Variants in TTC7B observed in about 807,000 individuals in gnomAD.
The protein encoded by TTC7B is tetratricopeptide repeat domain 7B.
In TTC7B, 28 loss-of-function variants were observed where a neutral mutation model predicts 106.8. The observed-to-expected ratio is 0.26, with a 90% CI of 0.19 to 0.36. TTC7B has a LOEUF of 0.36. Among genes scored for constraint, TTC7B ranks in the 10% least tolerant of loss-of-function variants. The probability of loss-of-function intolerance (pLI) is 1.00; values close to 1 mark genes in which losing one functional copy is unlikely to be tolerated. For synonymous variants in TTC7B, 405 were observed against 430.6 expected (o/e 0.94, Z 0.74); for missense variants, 862 against 1,076.4 (o/e 0.80, Z 2.79).
chr14:90,601,723 G>T (rs1892432144), intron 17 of TTC7B, among the ~76,000 whole-genome samples: 1 of 152,188 alleles, frequency 6.6e-6, no homozygotes, highest in Admixed American at 6.5e-5. Flanking sequence ...CTCCAATCCT[G>T]CTCAGCCACC....
intron 4 of TTC7B, among the ~76,000 whole-genome samples, chr14:90,743,957 G>C (rs1463333849): frequency 6.6e-6 from 1 of 152,218 alleles, no homozygotes; most frequent in East Asian, 1.9e-4. Context: ...TCTGCTCAGA[G>C]GCCCTCTTGT....
chr14:90,644,593 A>G (rs779970194), intron 14 of TTC7B, among the ~76,000 whole-genome samples: 1 of 152,248 alleles, frequency 6.6e-6, no homozygotes, highest in African/African-American at 2.4e-5. Flanking sequence ...GTGGAGACAC[A>G]TACAAAGTGT....
Position 90,579,040 on chromosome 14 carries a change from T to C in TTC7B, c.2108-732A>G, listed in dbSNP as rs1237398093. Among the ~76,000 whole-genome samples the C allele has an allele frequency of 2.6e-5, 4 of 152,198 alleles. No individual in the cohort carries two copies. In the East Asian group the frequency reaches 5.8e-4, roughly 22 times the overall value. On this transcript the variant is annotated intron_variant, in intron 18 of 19. Coordinates refer to ENST00000328459, the MANE Select transcript of TTC7B (RefSeq NM_001010854.2). ...AACCCCTCTGCAGCCCTGGCCTCCC[T>C]GAAGAGCCCTTTTGAGTGTTTCCAA...
chr14:90,703,717 A>T (rs1283693283), intron 5 of TTC7B, among the ~76,000 whole-genome samples: 1 of 152,236 alleles, frequency 6.6e-6, no homozygotes, highest in Admixed American at 6.5e-5. Context: ...CCTCCAGTTC[A>T]AAACCATAAC....
intron 5 of TTC7B, among the ~76,000 whole-genome samples, chr14:90,703,119 T>A (rs1888061413): frequency 6.6e-6 from 1 of 152,194 alleles, no homozygotes; most frequent in South Asian, 2.1e-4. Context: ...TGGCCAGAGC[T>A]GGAAGACAAG....
chr14:90,653,034 C>T, intron 12 of TTC7B, 136 bp from the exon 13 acceptor site: 1 of 875,410 alleles, frequency 1.1e-6, no homozygotes, highest in Non-Finnish European at 1.9e-6. Flanking sequence ...CAGTCCTGCA[C>T]CAGGCCCTGG....
At chr14:90,692,382 C>CA (rs1887510154) in intron 6 of TTC7B, among the ~76,000 whole-genome samples, 1 of 152,140 alleles carries the variant, frequency 6.6e-6, no homozygotes, top group Non-Finnish European at 1.5e-5. Context: ...TGATCTCACA[C>CA]CAGATAGAGT....
At chr14:90,653,383 T>C (rs987911723) in intron 12 of TTC7B, among the ~76,000 whole-genome samples, 3 of 152,090 alleles carry the variant, frequency 2.0e-5, no homozygotes, top group Non-Finnish European at 4.4e-5. Context: ...CTTGCTGCCT[T>C]GAAAGGCCAG....
At chr14:90,664,237 C>T (rs887196963) in intron 9 of TTC7B, among the ~76,000 whole-genome samples, 2 of 152,108 alleles carry the variant, frequency 1.3e-5, no homozygotes, top group African/African-American at 4.8e-5. Context: ...AGATGGAGAA[C>T]ATAAAATAAA....
intron 3 of TTC7B, among the ~76,000 whole-genome samples, chr14:90,761,196 G>A (rs775050806): frequency 1.2e-4 from 18 of 151,870 alleles, no homozygotes; most frequent in Non-Finnish European, 2.4e-4. Flanking sequence ...CAGGTTAGGA[G>A]GATGAGAGAA....
chr14:90,592,131 C>A (rs547430043), intron 18 of TTC7B, among the ~76,000 whole-genome samples: 1 of 152,302 alleles, frequency 6.6e-6, no homozygotes, highest in Admixed American at 6.5e-5. Flanking sequence ...AATGCGAAGG[C>A]CTGCCAGTGG....
intron 5 of TTC7B, among the ~76,000 whole-genome samples, chr14:90,702,752 G>C (rs941954692): frequency 6.6e-6 from 1 of 152,178 alleles, no homozygotes; most frequent in African/African-American, 2.4e-5. Context: ...GACAACCCAT[G>C]TCAGGTAAGA....
chr14:90,537,379 G>GGGA lies in TTC7B; in HGVS notation c.*3988_*3989insTCC, dbSNP rs1889445165. 6.7e-6 allele frequency: 1 copy of GGGA among 149,754 alleles called. No homozygotes were observed. Among genetic ancestry groups the GGGA allele is most frequent in the African/African-American group, 2.5e-5 (1 of 40,296 alleles). 9.3% of individuals were successfully genotyped at this position (149,754 alleles called of 1,614,324 possible). On this transcript the variant is annotated 3_prime_UTR_variant, in exon 20 of 20. Transcript: ENST00000328459. ...TTTTTTTTTTTTGTAGAGATGGGGGGGGGGTCTCACCATGTTGCCCAGGCT... is the reference window on the plus strand; with the variant it reads ...TTTTTTTTTTTTGTAGAGATGGGGGGGGAGGGGTCTCACCATGTTGCCCAGGCT...
intron 9 of TTC7B, among the ~76,000 whole-genome samples, chr14:90,673,396 A>G (rs1425015456): frequency 6.6e-6 from 1 of 152,190 alleles, no homozygotes; most frequent in Non-Finnish European, 1.5e-5. Context: ...AGTGAAGTCA[A>G]TTTCATTATG....
chr14:90,722,876 T>C (rs556893534), intron 5 of TTC7B, among the ~76,000 whole-genome samples: 1 of 151,124 alleles, frequency 6.6e-6, no homozygotes, highest in South Asian at 2.1e-4. Context: ...CTTCACAGGA[T>C]CCTCCTCCTT....
intron 3 of TTC7B, among the ~76,000 whole-genome samples, chr14:90,777,689 G>A (rs1325065695): frequency 1.3e-5 from 2 of 152,128 alleles, no homozygotes; most frequent in Non-Finnish European, 2.9e-5. Flanking sequence ...AATCCTGAGG[G>A]ACCTTGGTGA....
At chr14:90,560,772 G>A (rs1890539947) in intron 19 of TTC7B, among the ~76,000 whole-genome samples, 1 of 152,242 alleles carries the variant, frequency 6.6e-6, no homozygotes, top group Non-Finnish European at 1.5e-5. Context: ...GTGGGTGTGT[G>A]GGCGTCTGAG....
Position 90,663,989 on chromosome 14 carries a change from A to G in TTC7B, c.1153-5602T>C, listed in dbSNP as rs572876790. Among the ~76,000 whole-genome samples, 84 of 152,302 alleles carry G rather than the reference A, an allele frequency of 5.5e-4. No individual in the cohort carries two copies. Among genetic ancestry groups the G allele is most frequent in the African/African-American group, 1.9e-3 (80 of 41,568 alleles). ...CTATGTTTCTGTAAACATGAAGATT[A>G]CATAAACCCCTAAGCAGCTCAGGTC... On this transcript the variant is annotated intron_variant, in intron 9 of 19. Transcript: ENST00000328459. This position sits in a 1 kb window ranked among gnomAD's most constrained non-coding sequence, Gnocchi z 4.5.
At chr14:90,738,378 G>C (rs1031798774) in intron 4 of TTC7B, among the ~76,000 whole-genome samples, 3 of 152,158 alleles carry the variant, frequency 2.0e-5, no homozygotes, top group African/African-American at 7.2e-5. Flanking sequence ...CGGAGGCCAA[G>C]CTCTCGAATC....
Sources: allele counts gnomAD v4.1 joint callset (sites outside exome capture counted in the v4.1 genomes callset), GRCh38; gene constraint gnomAD v4.1.1; non-coding constraint Gnocchi (gnomAD v3.1); transcripts MANE v1.5; gene names NCBI Gene and HGNC (gene_info 2026-07-23, HGNC 2026-07-21).